RAI14: variants seen among roughly 807,000 people sequenced by gnomAD.
RAI14 encodes the protein ankycorbin.
A neutral mutation model predicts 115.4 loss-of-function variants in RAI14; 45 were observed. The ratio of observed to expected loss-of-function variants is 0.39; its 90% CI spans 0.31 to 0.50. The LOEUF is 0.50. Ranked by LOEUF, RAI14 falls within the 20% of genes least tolerant of loss-of-function variation. RAI14 has a pLI of 0.85. For missense variants in RAI14, 939 were observed against 1,131.2 expected, an observed-to-expected ratio of 0.83 and a Z score of 2.44; for synonymous variants, 371 against 415.4, an observed-to-expected ratio of 0.89 and a Z score of 1.30.
Position 34,712,909 on chromosome 5 carries a change from T to C in RAI14, c.36+25954T>C, listed in dbSNP as rs141264342. 9.5e-4 allele frequency among the ~76,000 whole-genome samples: 144 copies of C among 152,174 alleles called. 4 individuals carry two copies. The East Asian group carries it at 0.027, about 29-fold the overall frequency. On this transcript the variant is annotated intron_variant, in intron 2 of 17. Coordinates refer to ENST00000265109, the MANE Select transcript of RAI14 (RefSeq NM_015577.3). ...TTAAAAATATGGGTGTCTTGAAGAA[T>C]AGAACAACCTTGGAGAAAGGCAGCT...
chr5:34,656,555 GGC>G lies in RAI14; in HGVS notation c.-49+84_-49+85del, dbSNP rs369173770. 1,408 of 152,418 alleles carry G rather than the reference GGC, an allele frequency of 9.2e-3. 9 individuals are homozygous for G. Among genetic ancestry groups the G allele is most frequent in the Non-Finnish European group, 0.016 (1,065 of 68,174 alleles). 9.4% of individuals were successfully genotyped at this position (152,418 alleles called of 1,614,324 possible). On this transcript the variant is annotated intron_variant, in intron 1 of 17. Coordinates refer to ENST00000265109, the MANE Select transcript of RAI14 (RefSeq NM_015577.3). Reference sequence around the variant, plus strand: ...TCCCCGCCTTTGTGTCTGGAGCTCGGGCGCGGGAGGCGCTGGGGACGGCGCCC... The same window carrying G: ...TCCCCGCCTTTGTGTCTGGAGCTCGGGCGGGAGGCGCTGGGGACGGCGCCC...
At chr5:34,795,168 C>T (rs1308519079) in intron 3 of RAI14, among the ~76,000 whole-genome samples, 2 of 152,198 alleles carry the variant, frequency 1.3e-5, no homozygotes, top group African/African-American at 4.8e-5. Context: ...ATTGAATTGG[C>T]ATTTGGATGT....
chr5:34,764,326 G>A (rs1749062795), intron 3 of RAI14, among the ~76,000 whole-genome samples: 1 of 152,214 alleles, frequency 6.6e-6, no homozygotes, highest in South Asian at 2.1e-4. Flanking sequence ...TCCACCTGCA[G>A]AGATTCTGGT....
At chr5:34,665,594 A>G (rs1306943924) in intron 1 of RAI14, among the ~76,000 whole-genome samples, 1 of 151,964 alleles carries the variant, frequency 6.6e-6, no homozygotes, top group African/African-American at 2.4e-5. Context: ...GACACTTGCA[A>G]ATCTGATGGG....
At chr5:34,717,747 G>T (rs1053601344) in intron 2 of RAI14, among the ~76,000 whole-genome samples, 1 of 151,964 alleles carries the variant, frequency 6.6e-6, no homozygotes, top group East Asian at 1.9e-4. Flanking sequence ...CCCTGTGAAT[G>T]TGAGGGCAAA....
rs1755858895 is a variant in RAI14 at position 34,813,666 on chromosome 5, A to G, written c.852+6A>G. 6.3e-7 allele frequency: 1 copy of G among 1,590,184 alleles called. No homozygotes were observed. Among genetic ancestry groups the G allele is most frequent in the Non-Finnish European group, 8.6e-7 (1 of 1,163,420 alleles). On this transcript the variant is annotated splice_donor_region_variant and intron_variant, in intron 11 of 17. Transcript: ENST00000265109. ...CTCCTATCAGTCCTACCCAGGTAAA[A>G]ACAAAAGCAAACCAACAATCAATAA...
intron 3 of RAI14, among the ~76,000 whole-genome samples, chr5:34,760,419 T>C (rs547215866): frequency 6.6e-6 from 1 of 152,308 alleles, no homozygotes; most frequent in South Asian, 2.1e-4. Flanking sequence ...CCCAGGAATC[T>C]ATATTTTTTG....
chr5:34,702,658 G>A (rs1378465743), intron 2 of RAI14, among the ~76,000 whole-genome samples: 1 of 152,176 alleles, frequency 6.6e-6, no homozygotes. Flanking sequence ...GCTCGGGTTG[G>A]CCACTGTTAT....
chr5:34,683,095 G>C (rs1205802956), intron 1 of RAI14, among the ~76,000 whole-genome samples: 2 of 152,184 alleles, frequency 1.3e-5, no homozygotes, highest in Non-Finnish European at 2.9e-5. Flanking sequence ...GTTATTCCAG[G>C]GGCCACATTA....
At chr5:34,751,296 T>C (rs996766458) in intron 2 of RAI14, among the ~76,000 whole-genome samples, 13 of 151,540 alleles carry the variant, frequency 8.6e-5, no homozygotes, top group Admixed American at 6.6e-4. Flanking sequence ...GTGCCCGCCA[T>C]GCCTGGCTAA....
chr5:34,778,773 A>C (rs938285116), intron 3 of RAI14, among the ~76,000 whole-genome samples: 2 of 149,378 alleles, frequency 1.3e-5, no homozygotes, highest in Admixed American at 6.7e-5. Context: ...AAAAAAAAAA[A>C]CTATCTTAAT....
At chr5:34,708,356 C>A (rs1463439213) in intron 2 of RAI14, among the ~76,000 whole-genome samples, 1 of 152,128 alleles carries the variant, frequency 6.6e-6, no homozygotes, top group Admixed American at 6.5e-5. Context: ...GCATGCGCCA[C>A]CTCGCCCGGC....
chr5:34,798,768 G>A (rs1753845956), intron 4 of RAI14, among the ~76,000 whole-genome samples: 1 of 152,206 alleles, frequency 6.6e-6, no homozygotes. Context: ...TCTCTAAGAA[G>A]CAACACTGGA....
intron 2 of RAI14, among the ~76,000 whole-genome samples, chr5:34,708,305 C>T (rs1055860539): frequency 1.3e-5 from 2 of 151,652 alleles, no homozygotes; most frequent in Non-Finnish European, 2.9e-5. Context: ...CGCGTTCAAG[C>T]GATTCTCCTG....
chr5:34,738,790 C>G (rs79305304), intron 2 of RAI14, among the ~76,000 whole-genome samples: 4,372 of 152,232 alleles, frequency 0.029, 212 homozygotes, highest in African/African-American at 0.1. Flanking sequence ...CTTGAGGATA[C>G]CATCTTACCA....
chr5:34,813,877 A>G lies in RAI14; in HGVS notation c.852+217A>G, dbSNP rs766157216. On this transcript the variant is annotated intron_variant, in intron 11 of 17. Coordinates refer to ENST00000265109, the MANE Select transcript of RAI14 (RefSeq NM_015577.3). ...TTATCTATTTTTAAAAAAACAGTAG[A>G]ATCGAATAGCCTCTTTTTGAAAAGT... 6.8e-4 allele frequency among the ~76,000 whole-genome samples: 103 copies of G among 152,238 alleles called. 2 individuals carry two copies. Among genetic ancestry groups the G allele is most frequent in the Non-Finnish European group, 6.0e-4 (41 of 68,038 alleles).
rs539592249 is a variant in RAI14, at chr5:34,815,120, C to T, written c.939+451C>T. On this transcript the variant is annotated intron_variant, in intron 12 of 17. Transcript: ENST00000265109. Reference sequence around the variant, plus strand: ...AAACTAGGCCGGGGTTGGTGGCTCACGCCTGTAATCCCAGCACTTTGGGAG... The same window carrying T: ...AAACTAGGCCGGGGTTGGTGGCTCATGCCTGTAATCCCAGCACTTTGGGAG... Among the ~76,000 whole-genome samples the T allele has an allele frequency of 4.1e-4, 62 of 152,180 alleles. 2 individuals are homozygous for T. In the South Asian group the frequency reaches 7.3e-3, roughly 18 times the overall value.
intron 3 of RAI14, among the ~76,000 whole-genome samples, chr5:34,794,306 C>A (rs1753257832): frequency 6.6e-6 from 1 of 150,562 alleles, no homozygotes; most frequent in African/African-American, 2.5e-5. Context: ...GCCTGTAATC[C>A]CAGCTATTCA....
intron 3 of RAI14, among the ~76,000 whole-genome samples, chr5:34,795,737 G>A (rs552418753): frequency 1.3e-5 from 2 of 151,944 alleles, no homozygotes; most frequent in East Asian, 3.9e-4. Flanking sequence ...AGCTGTCAAC[G>A]AGGAAATTAT....
Sources: allele counts gnomAD v4.1 joint callset (sites outside exome capture counted in the v4.1 genomes callset), GRCh38; gene constraint gnomAD v4.1.1; transcripts MANE v1.5; gene names NCBI Gene and HGNC (gene_info 2026-07-23, HGNC 2026-07-21).